Variants in SFMBT1 observed in about 807,000 individuals in gnomAD.
SFMBT1 encodes scm-like with four MBT domains protein 1.
In SFMBT1, 32 loss-of-function variants were observed where a neutral mutation model predicts 108.7. The observed-to-expected ratio is 0.29, with a 90% CI of 0.22 to 0.40. The LOEUF (loss-of-function observed/expected upper bound fraction) is 0.40, where lower values mean the gene tolerates loss of function less well. Ranked by LOEUF, SFMBT1 falls within the 10% of genes least tolerant of loss-of-function variation. SFMBT1 has a pLI of 1.00. For synonymous variants in SFMBT1, 348 were observed against 369.5 expected (o/e 0.94, Z 0.67); for missense variants, 816 against 1,059.6 (o/e 0.77, Z 3.19).
intron 2 of SFMBT1, among the ~76,000 whole-genome samples, chr3:52,966,503 T>C (rs1236770046): frequency 6.7e-6 from 1 of 149,446 alleles, no homozygotes; most frequent in African/African-American, 2.5e-5. Context: ...TGGGCGCCTG[T>C]AGTCCCAGAT....
intron 10 of SFMBT1, among the ~76,000 whole-genome samples, chr3:52,925,500 C>G (rs1157637228): frequency 2.0e-5 from 3 of 152,068 alleles, no homozygotes; most frequent in Admixed American, 6.5e-5. Flanking sequence ...AAATAAATGA[C>G]TCAAAAGATA....
intron 1 of SFMBT1, among the ~76,000 whole-genome samples, chr3:53,008,069 CAA>C (rs11403096): frequency 9.8e-5 from 14 of 142,270 alleles, no homozygotes; most frequent in Admixed American, 2.1e-4. Flanking sequence ...CCCACCCCCG[CAA>C]AAAAAAAAAA....
In SFMBT1 at chr3:52,905,259, G is replaced by A. The variant is rs1200652275; in HGVS notation, c.2478C>T (p.Ala826=). ...CAGTGGGAAGGGTAAGGAGCAACAGGGCCTGCCCATCAATTTCCTGTTAAA... is the reference window on the plus strand; with the variant it reads ...CAGTGGGAAGGGTAAGGAGCAACAGAGCCTGCCCATCAATTTCCTGTTAAA... ...IFLDQEIDGQ[A]LLLLTLPTVQ... The change falls in exon 21 of 21, where the codon GCC becomes GCT. Residue 826 remains alanine, a synonymous_variant. Transcript: ENST00000394752. 1.9e-6 allele frequency: 3 copies of A among 1,611,304 alleles called. No homozygotes were observed. The highest frequency in any genetic ancestry group is 2.7e-5 in the African/African-American group (2 of 74,648).
At chr3:52,966,845 T>C (rs1704167584) in intron 2 of SFMBT1, among the ~76,000 whole-genome samples, 2 of 151,366 alleles carry the variant, frequency 1.3e-5, no homozygotes, top group South Asian at 4.2e-4. Context: ...TCTCAAAATA[T>C]GTAGAGAAAA....
At chr3:52,931,971 A>G in intron 6 of SFMBT1, 91 bp downstream of exon 6, 1 of 1,402,044 alleles carries the variant, frequency 7.1e-7, no homozygotes. Context: ...AAAGGTTTTC[A>G]TAATATGCAG....
intron 15 of SFMBT1, 62 bp from the exon 16 acceptor site, chr3:52,912,709 T>C: frequency 8.7e-7 from 1 of 1,154,806 alleles, no homozygotes; most frequent in South Asian, 1.2e-5. Context: ...CATTAGAATC[T>C]TGTCATCTCT....
intron 3 of SFMBT1, among the ~76,000 whole-genome samples, chr3:52,947,103 A>T (rs11130332): frequency 0.67 from 99,307 of 147,872 alleles, 33,803 homozygotes; most frequent in Middle Eastern, 0.77. Flanking sequence ...ACATTTTTCT[A>T]TTTTCAGTCT....
intron 1 of SFMBT1, among the ~76,000 whole-genome samples, chr3:53,029,171 C>CAAAAAAA (rs60211879): frequency 2.0e-5 from 1 of 49,092 alleles, no homozygotes; most frequent in Admixed American, 2.1e-4. Context: ...GACTCCGTCT[C>CAAAAAAA]AAAAAAAAAA....
chr3:52,914,532 C>T (rs1354159944), intron 14 of SFMBT1, among the ~76,000 whole-genome samples: 2 of 151,996 alleles, frequency 1.3e-5, no homozygotes, highest in African/African-American at 4.8e-5. Flanking sequence ...TTGAGACCAG[C>T]CTGGGTAACA....
At chr3:53,016,852 C>T (rs1329086682) in intron 1 of SFMBT1, among the ~76,000 whole-genome samples, 2 of 152,150 alleles carry the variant, frequency 1.3e-5, no homozygotes, top group African/African-American at 4.8e-5. Flanking sequence ...AGAAATTCTT[C>T]CCCATTCTGA....
intron 16 of SFMBT1, among the ~76,000 whole-genome samples, chr3:52,912,150 T>C (rs1050427843): frequency 9.2e-5 from 14 of 152,162 alleles, no homozygotes; most frequent in African/African-American, 2.9e-4. Flanking sequence ...AGGCTTCTGA[T>C]ATTATCCACA....
chr3:52,960,285 G>A (rs1352968909), intron 2 of SFMBT1, among the ~76,000 whole-genome samples: 1 of 152,088 alleles, frequency 6.6e-6, no homozygotes, highest in Non-Finnish European at 1.5e-5. Flanking sequence ...CTTCAACAAA[G>A]TTACCTTTGG....
At chr3:52,967,827 T>G (rs900765846) in intron 2 of SFMBT1, among the ~76,000 whole-genome samples, 3 of 152,200 alleles carry the variant, frequency 2.0e-5, no homozygotes, top group Admixed American at 6.5e-5. Flanking sequence ...CAACACCAGA[T>G]AGCAGTGAGG....
At chr3:52,987,513 C>T (rs1301038122) in intron 1 of SFMBT1, among the ~76,000 whole-genome samples, 1 of 152,122 alleles carries the variant, frequency 6.6e-6, no homozygotes, top group Admixed American at 6.5e-5. Flanking sequence ...ACTGAAACAC[C>T]ATCATGCCAT....
At chr3:52,978,638 T>C (rs573281838) in intron 1 of SFMBT1, among the ~76,000 whole-genome samples, 1 of 152,304 alleles carries the variant, frequency 6.6e-6, no homozygotes, top group African/African-American at 2.4e-5. Flanking sequence ...TTTGAAAACA[T>C]ATGTCCAAAC....
intron 1 of SFMBT1, among the ~76,000 whole-genome samples, chr3:53,008,756 T>G (rs1698837696): frequency 6.6e-6 from 1 of 151,420 alleles, no homozygotes; most frequent in African/African-American, 2.4e-5. Flanking sequence ...TGCCTCAGCC[T>G]CCCGAGTAGC....
chr3:52,906,961 A>G (rs748840269), intron 19 of SFMBT1, 108 bp downstream of exon 19: 36 of 1,368,970 alleles, frequency 2.6e-5, no homozygotes, highest in Non-Finnish European at 3.1e-5. Flanking sequence ...GAAATTCTAC[A>G]TAAGTCTGTA....
intron 1 of SFMBT1, among the ~76,000 whole-genome samples, chr3:53,006,127 A>G (rs1406700630): frequency 1.3e-5 from 2 of 152,228 alleles, no homozygotes; most frequent in African/African-American, 2.4e-5. Flanking sequence ...GGCAAGCAAC[A>G]AGAAAAGACT....
At chr3:53,019,839 A>G (rs546862061) in intron 1 of SFMBT1, among the ~76,000 whole-genome samples, 92 of 152,288 alleles carry the variant, frequency 6.0e-4, no homozygotes, top group Non-Finnish European at 8.2e-4. Context: ...TCAGTAACTG[A>G]CTAAATAGTA....
Sources: gnomAD v4.1 joint callset for allele counts (sites outside exome capture counted in the v4.1 genomes callset) on GRCh38, gnomAD v4.1.1 for gene constraint, MANE v1.5 for transcripts, NCBI Gene and HGNC (gene_info 2026-07-23, HGNC 2026-07-21) for gene names.